TXNDC9: variants seen among roughly 807,000 people sequenced by gnomAD.
TXNDC9 encodes the protein thioredoxin domain-containing protein 9.
TXNDC9 carries 7 observed loss-of-function variants against 23.0 expected under a neutral mutation model. That is an observed-to-expected ratio of 0.30 (90% CI 0.17 to 0.57). The LOEUF (loss-of-function observed/expected upper bound fraction) is 0.57. TXNDC9 is among the 20% of genes least tolerant of loss of function. The pLI is 0.90. For missense variants in TXNDC9, 198 were observed against 252.6 expected, an observed-to-expected ratio of 0.78 and a Z score of 1.47; for synonymous variants, 72 against 90.6, an observed-to-expected ratio of 0.79 and a Z score of 1.17.
In TXNDC9 at chr2:99,327,591, T is replaced by C; in HGVS notation, c.252A>G (p.Gln84=). ...CCACATTTTCACTCTCCTTGACTTC[T>C]TGAAAAAAGTCTCTTTCACTAGGGA... The part of the protein sequence containing the change: ...REIPSERDFF[Q]EVKESENVVC... Residue 84 remains glutamine (Q), a synonymous_variant, in exon 3 of 5, where the codon CAA becomes CAG. Transcript: ENST00000264255. 1.2e-6 allele frequency: 2 copies of C among 1,613,832 alleles called. No homozygotes were observed. The highest frequency in any genetic ancestry group is 1.3e-5 in the African/African-American group (1 of 75,002).
At chr2:99,329,827 G>T (rs1487814910) in intron 2 of TXNDC9, among the ~76,000 whole-genome samples, 1 of 151,744 alleles carries the variant, frequency 6.6e-6, no homozygotes. Flanking sequence ...AATTAGCCAG[G>T]TGTGTTGGCA....
rs2094216121 is a variant in TXNDC9 at position 99,327,785 on chromosome 2, GT to G, written c.190-133del. Reference sequence around the variant, plus strand: ...AAAAAAAAAAGTTTTTTTTTTGTTTGTTTTTGTTTTTTTTTTTTGAGACGGA... The same window carrying G: ...AAAAAAAAAAGTTTTTTTTTTGTTTGTTTTGTTTTTTTTTTTTGAGACGGA... On this transcript the variant is annotated intron_variant, in intron 2 of 4. Transcript: ENST00000264255. 18 of 534,910 alleles carry G rather than the reference GT, an allele frequency of 3.4e-5. No individual in the cohort carries two copies. In the South Asian group the frequency reaches 5.6e-4, roughly 16 times the overall value. The allele number at this position is 534,910 out of a possible 1,614,324, so 33.1% of individuals were successfully genotyped here.
chr2:99,309,606 G>A, the TXNDC9 span, among the ~76,000 whole-genome samples: 1 of 152,024 alleles, frequency 6.6e-6, no homozygotes, highest in African/African-American at 2.4e-5. Flanking sequence ...GGCTGAGGTA[G>A]GTGGATCACC....
the TXNDC9 span, among the ~76,000 whole-genome samples, chr2:99,312,153 G>C: frequency 6.6e-6 from 1 of 152,116 alleles, no homozygotes; most frequent in African/African-American, 2.4e-5. Flanking sequence ...AGCAGGAAGA[G>C]CCTTGGTTCC....
chr2:99,326,051 A>G (rs2105322580), intron 3 of TXNDC9, among the ~76,000 whole-genome samples: 1 of 152,046 alleles, frequency 6.6e-6, no homozygotes, highest in African/African-American at 2.4e-5. Context: ...AAGTGGACAA[A>G]TAATATTTTA....
chr2:99,309,050 TTAAAAAATTAAAAAGTACAAATAA>T, the TXNDC9 span, among the ~76,000 whole-genome samples: 23 of 151,796 alleles, frequency 1.5e-4, no homozygotes, highest in Non-Finnish European at 2.9e-4. Flanking sequence ...AACAAAAATT[TTAAAAAATTAAAAAGTACAAATAA>T]TAAAAAATTA....
At chr2:99,318,649 T>G (rs1482140361), downstream of TXNDC9, among the ~76,000 whole-genome samples, 1 of 152,192 alleles carries the variant, frequency 6.6e-6, no homozygotes, top group African/African-American at 2.4e-5. Flanking sequence ...GCATGGAACC[T>G]TCACTCTACG....
chr2:99,318,406 C>G (rs1361488430), downstream of TXNDC9, among the ~76,000 whole-genome samples: 1 of 151,552 alleles, frequency 6.6e-6, no homozygotes, highest in Non-Finnish European at 1.5e-5. Flanking sequence ...GATCTCTTGA[C>G]CTTGTGATCC....
At chr2:99,307,013 CCCTT>C in the TXNDC9 span, among the ~76,000 whole-genome samples, 4 of 75,254 alleles carry the variant, frequency 5.3e-5, no homozygotes, top group South Asian at 4.6e-4. Flanking sequence ...TTCCCTCCCT[CCCTT>C]CCTTCCTTCC....
At chr2:99,335,623 C>T (rs7579143) in intron 1 of TXNDC9, among the ~76,000 whole-genome samples, 126,497 of 152,014 alleles carry the variant, frequency 0.83, 53,202 homozygotes, top group Middle Eastern at 0.98. Context: ...AGTGAGGGGG[C>T]TGGAAGGAGA....
intron 3 of TXNDC9, among the ~76,000 whole-genome samples, chr2:99,323,665 G>A (rs1157684497): frequency 6.6e-6 from 1 of 152,120 alleles, no homozygotes; most frequent in Non-Finnish European, 1.5e-5. Context: ...GAACCTGGGA[G>A]GTGGGGGTTA....
chr2:99,315,692 C>A (rs1224451468), downstream of TXNDC9, among the ~76,000 whole-genome samples: 1 of 152,086 alleles, frequency 6.6e-6, no homozygotes, highest in African/African-American at 2.4e-5. Context: ...TTTTGTATAT[C>A]GCATAAAGGA....
chr2:99,327,404 G>A, intron 3 of TXNDC9, 131 bp downstream of exon 3: 1 of 684,208 alleles, frequency 1.5e-6, no homozygotes, highest in Non-Finnish European at 2.6e-6. Context: ...TAACATATGA[G>A]AGAGTACAAT....
intron 3 of TXNDC9, chr2:99,322,710 A>G: frequency 1.4e-6 from 2 of 1,454,762 alleles, no homozygotes; most frequent in Non-Finnish European, 9.1e-7. Context: ...ATATTTAAAT[A>G]AATGTGGCCA....
chr2:99,311,750 A>C, the TXNDC9 span, among the ~76,000 whole-genome samples: 1 of 152,234 alleles, frequency 6.6e-6, no homozygotes, highest in Non-Finnish European at 1.5e-5. Context: ...TACAGGCATG[A>C]GCCAGCATGC....
chr2:99,330,318 A>AAAAAAAAAAAAAAC (rs1238678566), intron 2 of TXNDC9, among the ~76,000 whole-genome samples: 1 of 145,446 alleles, frequency 6.9e-6, no homozygotes, highest in Admixed American at 7.1e-5. Flanking sequence ...AAAAAAAAAA[A>AAAAAAAAAAAAAAC]AGCTGCTATT....
Position 99,329,988 on chromosome 2 carries a change from T to C in TXNDC9, c.190-2335A>G, listed in dbSNP as rs1326161518. On this transcript the variant is annotated intron_variant, in intron 2 of 4. Coordinates refer to ENST00000264255, the MANE Select transcript of TXNDC9 (RefSeq NM_005783.4). ...TCTCAAAAAAAAAAGTATTTGTCTT[T>C]TAAAAAGCTGCTATTTCTAGGCCGG... Among the ~76,000 whole-genome samples, 3 of 146,566 alleles carry C rather than the reference T, an allele frequency of 2.0e-5. No individual in the cohort carries two copies. The East Asian group carries it at 6.3e-4, about 31-fold the overall frequency.
At chr2:99,327,748 A>T in intron 2 of TXNDC9, 95 bp from the exon 3 acceptor site, 1 of 713,244 alleles carries the variant, frequency 1.4e-6, no homozygotes, top group Non-Finnish European at 2.3e-6. Context: ...GTATTTTGTA[A>T]TGAAGTCAAT....
At chr2:99,328,442 C>G (rs964043503) in intron 2 of TXNDC9, among the ~76,000 whole-genome samples, 1 of 152,100 alleles carries the variant, frequency 6.6e-6, no homozygotes, top group Non-Finnish European at 1.5e-5. Flanking sequence ...AATTTACTTT[C>G]CTGTTTCTAC....
Sources: gnomAD v4.1 joint callset for allele counts (sites outside exome capture counted in the v4.1 genomes callset) on GRCh38, gnomAD v4.1.1 for gene constraint, MANE v1.5 for transcripts, NCBI Gene and HGNC (gene_info 2026-07-23, HGNC 2026-07-21) for gene names.